The following ERICH1 variants were observed in gnomAD, a reference collection of about 807,000 sequenced individuals.
The protein encoded by ERICH1 is glutamate rich 1.
In ERICH1, 56 loss-of-function variants were observed where a neutral mutation model predicts 39.6. That is an observed-to-expected ratio of 1.41 (90% CI 1.14 to 1.77). The LOEUF is 1.77. ERICH1 is among the 40% of genes most tolerant of loss of function. ERICH1 has a pLI of 0.00. For missense variants in ERICH1, 826 were observed against 575.4 expected, an observed-to-expected ratio of 1.44 and a Z score of -4.45; for synonymous variants, 313 against 223.6, an observed-to-expected ratio of 1.40 and a Z score of -3.57.
chr8:730,662 G>A (rs1200909434), intron 1 of ERICH1, among the ~76,000 whole-genome samples: 6 of 152,074 alleles, frequency 3.9e-5, no homozygotes, highest in Non-Finnish European at 8.8e-5. Context: ...CCACACCTTA[G>A]GTCCACTGAA....
At chr8:638,332 T>G (rs4735893) in intron 3 of ERICH1, among the ~76,000 whole-genome samples, 104,765 of 152,192 alleles carry the variant, frequency 0.69, 38,095 homozygotes, top group East Asian at 0.95. Context: ...CAGCCACGCT[T>G]GGGCACGTTC....
At chr8:630,281 G>A (rs12545897) in intron 3 of ERICH1, among the ~76,000 whole-genome samples, 2 of 57,980 alleles carry the variant, frequency 3.4e-5, no homozygotes, top group Non-Finnish European at 6.7e-5. Context: ...ACAGGCAGAG[G>A]TGACTCACAC....
intron 3 of ERICH1, among the ~76,000 whole-genome samples, chr8:658,070 G>C (rs1417206329): frequency 6.6e-6 from 1 of 152,218 alleles, no homozygotes; most frequent in Non-Finnish European, 1.5e-5. Context: ...CCTTTCTAGA[G>C]GCCATTCTTA....
In ERICH1 at chr8:731,170, C is replaced by G; in HGVS notation, c.-9G>C. On this transcript the variant is annotated 5_prime_UTR_variant, in exon 1 of 6. Coordinates refer to ENST00000262109, the MANE Select transcript of ERICH1 (RefSeq NM_207332.3). ...TTCCTGTGCGCCGCCATGCGGGACC[C>G]TGCCGCGGACCTCAGACCACGGCGC... 1 of 1,506,714 alleles carries G rather than the reference C, an allele frequency of 6.6e-7. No homozygotes were observed. Among genetic ancestry groups the G allele is most frequent in the Admixed American group, 2.1e-5 (1 of 48,282 alleles). 93.3% of individuals were successfully genotyped at this position (1,506,714 alleles called of 1,614,324 possible).
rs763255357 is a variant in ERICH1, at chr8:668,796, C to T, written c.1064-4G>A. 10 of 1,581,986 alleles carry T rather than the reference C, an allele frequency of 6.3e-6. No individual in the cohort carries two copies. In the East Asian group the frequency reaches 9.0e-5, roughly 14 times the overall value. On this transcript the variant is annotated splice_polypyrimidine_tract_variant and splice_region_variant and intron_variant, in intron 4 of 5. Coordinates refer to ENST00000262109, the MANE Select transcript of ERICH1 (RefSeq NM_207332.3). ...GAAGCTGCATCTCTGGAGACACCTA[C>T]ATAAAGTCAGTTTTGCTTGGAAATA...
At chr8:660,001 G>A (rs1026462938), downstream of ERICH1, among the ~76,000 whole-genome samples, 2 of 152,254 alleles carry the variant, frequency 1.3e-5, no homozygotes. Flanking sequence ...AGCCCCCCAA[G>A]GGAAGGGGGC....
intron 3 of ERICH1, among the ~76,000 whole-genome samples, chr8:643,959 C>G (rs1268835199): frequency 6.6e-6 from 1 of 152,352 alleles, no homozygotes; most frequent in South Asian, 2.1e-4. Flanking sequence ...CCCCTGAGCA[C>G]CAGCACGGTG....
chr8:719,578 C>T (rs112101055), intron 1 of ERICH1, among the ~76,000 whole-genome samples: 5,212 of 152,256 alleles, frequency 0.034, 301 homozygotes, highest in African/African-American at 0.12. Flanking sequence ...GGAGACACCG[C>T]GGGACCAGAT....
chr8:716,025 TAAAAG>T lies in ERICH1; in HGVS notation c.23-23_23-19del. On this transcript the variant is annotated intron_variant, in intron 1 of 5. Transcript: ENST00000262109. ...CACAAACACTGTACAGACAACCGAT[TAAAAG>T]AAAAGGAGGAAAAGGAATGAATTAT... 6.3e-7 allele frequency: 1 copy of T among 1,574,996 alleles called. No homozygotes were observed. The highest frequency in any genetic ancestry group is 8.6e-7 in the Non-Finnish European group (1 of 1,164,986).
chr8:650,321 G>C (rs1459713263), intron 3 of ERICH1, among the ~76,000 whole-genome samples: 2 of 152,244 alleles, frequency 1.3e-5, no homozygotes, highest in African/African-American at 4.8e-5. Context: ...TCCAACTTTA[G>C]TGACACGGTC....
At chr8:666,591 G>T (rs1802277015) in intron 5 of ERICH1, 1 of 152,456 alleles carries the variant, frequency 6.6e-6, no homozygotes, top group Non-Finnish European at 1.5e-5. Flanking sequence ...CGTTTCTCAT[G>T]GTCCCTGGTC....
At chr8:721,648 C>T (rs767488751) in intron 1 of ERICH1, among the ~76,000 whole-genome samples, 8 of 152,214 alleles carry the variant, frequency 5.3e-5, no homozygotes, top group Admixed American at 3.3e-4. Flanking sequence ...ACACAAGGAC[C>T]CCACGGACTG....
downstream of ERICH1, among the ~76,000 whole-genome samples, chr8:662,388 C>T (rs142161522): frequency 6.6e-6 from 1 of 152,362 alleles, no homozygotes; most frequent in African/African-American, 2.4e-5. Context: ...GTGGCTCATA[C>T]CACTAATCCC....
At position 717,310 on chromosome 8, in the gene ERICH1, G is replaced by C. The variant is rs1453249292; in HGVS notation, c.23-1303C>G. ...ATGATGCAGAAGTGCACTAGCACAG[G>C]ATACCTCAAAAGCTCCTGCTGGCTG... On this transcript the variant is annotated intron_variant, in intron 1 of 5. Coordinates refer to ENST00000262109, the MANE Select transcript of ERICH1 (RefSeq NM_207332.3). Among the ~76,000 whole-genome samples, 3 of 152,314 alleles carry C rather than the reference G, an allele frequency of 2.0e-5. No individual in the cohort carries two copies. In the East Asian group the frequency reaches 5.8e-4, roughly 29 times the overall value.
chr8:639,221 T>A (rs1392126105), intron 3 of ERICH1, among the ~76,000 whole-genome samples: 1 of 152,150 alleles, frequency 6.6e-6, no homozygotes, highest in Non-Finnish European at 1.5e-5. Flanking sequence ...AAGTGCAGGC[T>A]GTGTTCCCAC....
At chr8:665,529 G>C (rs1270121758) in intron 5 of ERICH1, among the ~76,000 whole-genome samples, 1 of 152,146 alleles carries the variant, frequency 6.6e-6, no homozygotes, top group East Asian at 1.9e-4. Flanking sequence ...TCCCGCCCAG[G>C]GGCAAGTTGC....
intron 3 of ERICH1, among the ~76,000 whole-genome samples, chr8:651,228 T>C (rs2117319730): frequency 6.6e-6 from 1 of 152,292 alleles, no homozygotes; most frequent in Admixed American, 6.5e-5. Flanking sequence ...TAGTCCAGGG[T>C]TGGGAAGAGA....
intron 3 of ERICH1, among the ~76,000 whole-genome samples, chr8:687,682 C>G (rs1807767764): frequency 6.6e-6 from 1 of 152,130 alleles, no homozygotes; most frequent in Non-Finnish European, 1.5e-5. Context: ...CAGGACGCAG[C>G]GCTGACCGGA....
chr8:705,297 T>G (rs907392098), intron 2 of ERICH1, among the ~76,000 whole-genome samples: 1 of 152,252 alleles, frequency 6.6e-6, no homozygotes, highest in Non-Finnish European at 1.5e-5. Context: ...GGACTCCTCC[T>G]GGACGTGCAT....
Sources: allele counts gnomAD v4.1 joint callset (sites outside exome capture counted in the v4.1 genomes callset), GRCh38; gene constraint gnomAD v4.1.1; transcripts MANE v1.5; gene names NCBI Gene and HGNC (gene_info 2026-07-23, HGNC 2026-07-21).